CERKL: variants seen among roughly 807,000 people sequenced by gnomAD.
The protein encoded by CERKL is ceramide kinase-like protein.
A neutral mutation model predicts 63.4 loss-of-function variants in CERKL; 61 were observed. The ratio of observed to expected loss-of-function variants is 0.96; its 90% confidence interval spans 0.78 to 1.19. The LOEUF is 1.19. Ranked by LOEUF, CERKL falls within the 50% of genes most tolerant of loss-of-function variation. The pLI, the probability that CERKL is intolerant of heterozygous loss-of-function variation, is 0.00. For missense variants in CERKL, 675 were observed against 655.5 expected (o/e 1.03, Z -0.33); for synonymous variants, 250 against 230.5 (o/e 1.08, Z -0.77).
chr2:181,627,788 G>A (rs1462631949), intron 1 of CERKL, among the ~76,000 whole-genome samples: 8 of 152,076 alleles, frequency 5.3e-5, no homozygotes, highest in African/African-American at 7.2e-5. Context: ...ATACATCACT[G>A]TCCTCAGTAC....
chr2:181,564,376 A>T (rs1688575441), intron 4 of CERKL, among the ~76,000 whole-genome samples: 1 of 152,300 alleles, frequency 6.6e-6, no homozygotes, highest in South Asian at 2.1e-4. Flanking sequence ...GAGTTTAGAA[A>T]CACTTACATA....
intron 1 of CERKL, among the ~76,000 whole-genome samples, chr2:181,620,337 C>T (rs376079954): frequency 4.5e-4 from 69 of 152,252 alleles, no homozygotes; most frequent in African/African-American, 1.6e-3. Flanking sequence ...AAGGTAGTAC[C>T]TCTGCAGGTC....
intron 2 of CERKL, among the ~76,000 whole-genome samples, chr2:181,600,975 TA>T (rs888249326): frequency 6.6e-6 from 1 of 151,566 alleles, no homozygotes; most frequent in Non-Finnish European, 1.5e-5. Flanking sequence ...CTCAATAAGA[TA>T]AAAAAAATCA....
At chr2:181,569,749 G>C (rs1185025682) in intron 3 of CERKL, among the ~76,000 whole-genome samples, 1 of 152,176 alleles carries the variant, frequency 6.6e-6, no homozygotes, top group African/African-American at 2.4e-5. Context: ...TCGTGAACAA[G>C]AGATGAGGGG....
intron 3 of CERKL, among the ~76,000 whole-genome samples, chr2:181,568,253 T>A (rs1375338110): frequency 6.6e-6 from 1 of 152,238 alleles, no homozygotes; most frequent in African/African-American, 2.4e-5. Context: ...GATATGATAC[T>A]GAAATGTCAT....
intron 1 of CERKL, among the ~76,000 whole-genome samples, chr2:181,604,380 A>G (rs1685590218): frequency 6.6e-6 from 1 of 152,234 alleles, no homozygotes; most frequent in Non-Finnish European, 1.5e-5. Context: ...AATAATAGTT[A>G]AAACCAAAAA....
In CERKL at chr2:181,538,145, A is replaced by G. The variant is rs549186353; in HGVS notation, c.*39T>C. ...GCATGGCCACATTTCTTTATATTAAAATTCTAGTTTGTACATTTCTTTTAG... is the reference window on the plus strand; with the variant it reads ...GCATGGCCACATTTCTTTATATTAAGATTCTAGTTTGTACATTTCTTTTAG... On this transcript the variant is annotated 3_prime_UTR_variant, in exon 13 of 13. Transcript: ENST00000410087. 1 of 1,350,906 alleles carries G rather than the reference A, an allele frequency of 7.4e-7. No homozygotes were observed. The highest frequency in any genetic ancestry group is 1.2e-5 in the South Asian group (1 of 85,274). The allele number at this position is 1,350,906 out of a possible 1,614,324, so 83.7% of individuals were successfully genotyped here.
At chr2:181,559,387 A>C (rs1574448476) in intron 4 of CERKL, among the ~76,000 whole-genome samples, 1 of 152,330 alleles carries the variant, frequency 6.6e-6, no homozygotes. Flanking sequence ...TTCATTTCAT[A>C]ATCATTTATG....
chr2:181,543,903 G>T lies in CERKL; in HGVS notation c.1365+797C>A, dbSNP rs533945876. On this transcript the variant is annotated intron_variant, in intron 11 of 12. Transcript: ENST00000410087. Reference sequence around the variant, plus strand: ...GGAGGCTGAGGCAGGAGAATCGCTTGAACGTGGGAGGTGGAGGTTGCAGTG... The same window carrying T: ...GGAGGCTGAGGCAGGAGAATCGCTTTAACGTGGGAGGTGGAGGTTGCAGTG... 1.0e-4 allele frequency among the ~76,000 whole-genome samples: 15 copies of T among 149,314 alleles called. No individual in the cohort carries two copies. The South Asian group carries it at 3.0e-3, about 30-fold the overall frequency.
At position 181,656,825 on chromosome 2, in the gene CERKL, A is replaced by G; in HGVS notation, c.182T>C (p.Val61Ala). The G allele has an allele frequency of 6.3e-7, 1 of 1,599,922 alleles. No individual in the cohort carries two copies. The change falls in exon 1 of 13, where the codon GTG (valine) becomes GCG (alanine). Residue 61 changes from valine (V) to alanine (A), a missense_variant. By Grantham distance (64) the Val-to-Ala change is moderately conservative. Transcript: ENST00000410087. ...CCGCAGTGCTCGCTCGCTCAGCACC[A>G]CGTCACAACTGTCCCTCCCGATCTC... ...IFEIGRDSCD[V>A]VLSERALRWR...
chr2:181,556,861 T>C (rs892231110), intron 5 of CERKL, among the ~76,000 whole-genome samples: 5 of 152,118 alleles, frequency 3.3e-5, no homozygotes, highest in South Asian at 4.2e-4. Context: ...GTCCCACCAA[T>C]AGTGTAAAAG....
chr2:181,655,280 GCTTT>G (rs1355602398), intron 1 of CERKL, among the ~76,000 whole-genome samples: 3 of 152,110 alleles, frequency 2.0e-5, no homozygotes, highest in Non-Finnish European at 4.4e-5. Context: ...GTCATTGTTT[GCTTT>G]TTTTGTACAC....
At position 181,547,835 on chromosome 2, in the gene CERKL, T is replaced by C; in HGVS notation, c.1146A>G (p.Gly382=). 6.2e-7 allele frequency: 1 copy of C among 1,613,880 alleles called. No individual in the cohort carries two copies. Among genetic ancestry groups the C allele is most frequent in the Non-Finnish European group, 8.5e-7 (1 of 1,180,000 alleles). ...SDDVQERRAQ[G]SPKSDCNDQW... is the part of the protein sequence containing the mutation. ...TTTTCGACTCACCAGATTTGGGAGA[T>C]CCCTGTGCCCTCCTAAAAGAAAGAA... Residue 382 remains glycine, a synonymous_variant, in exon 9 of 13, where the codon GGA becomes GGG. Transcript: ENST00000410087.
At chr2:181,641,277 GTGTATATA>G (rs967237933) in intron 1 of CERKL, among the ~76,000 whole-genome samples, 20 of 145,046 alleles carry the variant, frequency 1.4e-4, no homozygotes, top group African/African-American at 3.1e-4. Flanking sequence ...TAATATATGT[GTGTATATA>G]TGTATATATG....
At chr2:181,553,737 T>C (rs1178008607) in intron 5 of CERKL, among the ~76,000 whole-genome samples, 4 of 152,202 alleles carry the variant, frequency 2.6e-5, no homozygotes, top group Non-Finnish European at 5.9e-5. Context: ...CTCATTAATC[T>C]GTATCTTAGT....
intron 2 of CERKL, among the ~76,000 whole-genome samples, chr2:181,591,535 G>A (rs1467792458): frequency 2.0e-5 from 3 of 152,132 alleles, no homozygotes; most frequent in Admixed American, 2.0e-4. Context: ...CAAAAAAAGA[G>A]CTGCCAATAA....
At chr2:181,566,288 C>A (rs1335743321) in intron 3 of CERKL, among the ~76,000 whole-genome samples, 167 bp from the exon 4 acceptor site, 1 of 152,102 alleles carries the variant, frequency 6.6e-6, no homozygotes, top group Non-Finnish European at 1.5e-5. Flanking sequence ...CTAAGTGTTA[C>A]TGGCCTGATG....
At chr2:181,656,169 T>C (rs1688145926) in intron 1 of CERKL, among the ~76,000 whole-genome samples, 1 of 152,156 alleles carries the variant, frequency 6.6e-6, no homozygotes, top group South Asian at 2.1e-4. Context: ...AGGGTCAATA[T>C]TAAAAATCAA....
rs1687652614 is a variant in CERKL, at chr2:181,544,780, T to C, written c.1285A>G (p.Met429Val). The part of the protein sequence containing the change: ...APNTRLNNGS[M>V]ALIIARNTSR... ...GTGTTTCGGGCAATTATAAGAGCCATACTTCCATTATTTAATCTGAAATTA... is the reference window on the plus strand; with the variant it reads ...GTGTTTCGGGCAATTATAAGAGCCACACTTCCATTATTTAATCTGAAATTA... Residue 429 changes from methionine to valine, a missense_variant, in exon 11 of 13, where the codon ATG (methionine) becomes GTG (valine). Transcript: ENST00000410087. The C allele has an allele frequency of 1.3e-6, 2 of 1,598,236 alleles. No homozygotes were observed. The highest frequency in any genetic ancestry group is 1.7e-6 in the Non-Finnish European group (2 of 1,168,156).
Sources: allele counts gnomAD v4.1 joint callset (sites outside exome capture counted in the v4.1 genomes callset), GRCh38; gene constraint gnomAD v4.1.1; transcripts MANE v1.5; gene names NCBI Gene and HGNC (gene_info 2026-07-23, HGNC 2026-07-21).